Variants in CHD2 observed in about 807,000 individuals in gnomAD.
The protein encoded by CHD2 is chromodomain helicase DNA binding protein 2.
A neutral mutation model predicts 243.9 loss-of-function variants in CHD2; 28 were observed. The ratio of observed to expected loss-of-function variants is 0.11; its 90% confidence interval spans 0.09 to 0.16. The LOEUF (loss-of-function observed/expected upper bound fraction) is 0.16. Ranked by LOEUF, CHD2 falls within the 10% of genes least tolerant of loss-of-function variation. The pLI is 1.00. For missense variants in CHD2, 1,386 were observed against 2,209.8 expected, an observed-to-expected ratio of 0.63 and a Z score of 7.47; for synonymous variants, 775 against 779.0, an observed-to-expected ratio of 0.99 and a Z score of 0.09.
chr15:92,977,755 T>C (rs1262529558), intron 20 of CHD2, among the ~76,000 whole-genome samples: 4 of 152,218 alleles, frequency 2.6e-5, no homozygotes, highest in East Asian at 1.9e-4. Flanking sequence ...ATGATCTCTT[T>C]AGTGCAGTGT....
chr15:93,023,214 A>G (rs1438039145), intron 38 of CHD2, among the ~76,000 whole-genome samples: 1 of 152,170 alleles, frequency 6.6e-6, no homozygotes, highest in Non-Finnish European at 1.5e-5. Flanking sequence ...GGCAGCCACC[A>G]GTTTGCATTC....
intron 2 of CHD2, among the ~76,000 whole-genome samples, chr15:92,906,194 T>G (rs1210084624): frequency 6.6e-6 from 1 of 152,172 alleles, no homozygotes; most frequent in African/African-American, 2.4e-5. Flanking sequence ...TTTTTTTCCC[T>G]TTGATGTGGG....
chr15:92,913,413 C>A (rs1465909740), intron 2 of CHD2, among the ~76,000 whole-genome samples: 2 of 152,166 alleles, frequency 1.3e-5, no homozygotes, highest in African/African-American at 2.4e-5. Context: ...TGTCCCCTTC[C>A]ATTACCCTGG....
At position 92,918,058 on chromosome 15, in the gene CHD2, C is replaced by T. The variant is rs546363103; in HGVS notation, c.63-6263C>T. Among the ~76,000 whole-genome samples, 4 of 152,292 alleles carry T rather than the reference C, an allele frequency of 2.6e-5. No individual in the cohort carries two copies. In the South Asian group the frequency reaches 8.3e-4, roughly 32 times the overall value. On this transcript the variant is annotated intron_variant, in intron 2 of 38. Coordinates refer to ENST00000394196, the MANE Select transcript of CHD2 (RefSeq NM_001271.4). ...CAAAATAAACACTAAAGTGAAATGG[C>T]GGCTTTTGGGCGGGGCTCCCACAGG...
At chr15:93,006,919 T>C (rs2054329304) in intron 34 of CHD2, among the ~76,000 whole-genome samples, 1 of 152,262 alleles carries the variant, frequency 6.6e-6, no homozygotes, top group Non-Finnish European at 1.5e-5. Context: ...CTACAATTTA[T>C]TCTTCCACAG....
intron 31 of CHD2, among the ~76,000 whole-genome samples, chr15:92,999,649 C>T (rs1367995471): frequency 1.3e-5 from 2 of 151,970 alleles, no homozygotes; most frequent in African/African-American, 2.4e-5. Flanking sequence ...TAATACCACA[C>T]CTCATTTTTT....
rs1360748082 is a variant in CHD2 at position 93,027,942 on chromosome 15, A to G, written c.*3237A>G. 1 of 152,648 alleles carries G rather than the reference A, an allele frequency of 6.6e-6. No individual in the cohort carries two copies. Among genetic ancestry groups the G allele is most frequent in the Non-Finnish European group, 1.5e-5 (1 of 68,032 alleles). The allele number at this position is 152,648 out of a possible 1,614,324, so 9.5% of individuals were successfully genotyped here. On this transcript the variant is annotated 3_prime_UTR_variant, in exon 39 of 39. Transcript: ENST00000394196. ...GTATTAAATTTTCCTACATTGTAAA[A>G]CTGCTGTACTTTTGATTCTTGTATA...
At position 92,992,208 on chromosome 15, in the gene CHD2, G is replaced by A. The variant is rs181439021; in HGVS notation, c.3456-651G>A. The stretch of plus-strand genomic sequence containing the variant: ...TTTTGTTTGGTCCTCTCCATTTGGC[G>A]AGGAGGTAGTGATGTGTAGCATTAA... On this transcript the variant is annotated intron_variant, in intron 27 of 38. Transcript: ENST00000394196. Among the ~76,000 whole-genome samples the A allele has an allele frequency of 3.6e-3, 545 of 152,276 alleles. 2 individuals are homozygous for A. Among genetic ancestry groups the A allele is most frequent in the Non-Finnish European group, 6.2e-3 (424 of 68,012 alleles).
intron 16 of CHD2, among the ~76,000 whole-genome samples, chr15:92,959,641 A>G (rs1331169985): frequency 6.6e-6 from 1 of 152,064 alleles, no homozygotes; most frequent in African/African-American, 2.4e-5. Context: ...ACAGGCACGC[A>G]CCACCATGCT....
chr15:93,005,365 C>G (rs1018672129), intron 34 of CHD2, among the ~76,000 whole-genome samples: 1 of 152,056 alleles, frequency 6.6e-6, no homozygotes, highest in African/African-American at 2.4e-5. Flanking sequence ...GTGCATGGAC[C>G]AGGTCTTGCA....
intron 34 of CHD2, among the ~76,000 whole-genome samples, chr15:93,008,631 G>C (rs2054352208): frequency 6.6e-6 from 1 of 152,140 alleles, no homozygotes; most frequent in Admixed American, 6.5e-5. Flanking sequence ...TTGTGGGCTT[G>C]TCTCTTTTAA....
chr15:92,980,672 C>A (rs986330829), intron 22 of CHD2, 143 bp from the exon 23 acceptor site: 1 of 609,920 alleles, frequency 1.6e-6, no homozygotes. Context: ...ATAGAAAATG[C>A]GATGTTTGAG....
At chr15:92,927,112 C>A (rs2053077842) in intron 3 of CHD2, 132 bp from the exon 4 acceptor site, 1 of 658,182 alleles carries the variant, frequency 1.5e-6, no homozygotes, top group Non-Finnish European at 2.6e-6. Flanking sequence ...GCTTTATTGT[C>A]TCATAAATAG....
rs2054596403 is a variant in CHD2 at position 93,027,592 on chromosome 15, AAC to A, written c.*2891_*2892del. The A allele has an allele frequency of 1.3e-5, 2 of 152,674 alleles. No individual in the cohort carries two copies. The highest frequency in any genetic ancestry group is 6.5e-5 in the Admixed American group (1 of 15,286). The allele number at this position is 152,674 out of a possible 1,614,324, so 9.5% of individuals were successfully genotyped here. On this transcript the variant is annotated 3_prime_UTR_variant, in exon 39 of 39. Transcript: ENST00000394196. ...AAGTTGCATCAGTCCTCACGGTGCA[AAC>A]ACAGTTGATTTAGGAAGTCACACAA... is the stretch of plus-strand genomic sequence containing the variant.
intron 5 of CHD2, among the ~76,000 whole-genome samples, chr15:92,932,176 G>T (rs2053181162): frequency 6.6e-6 from 1 of 151,730 alleles, no homozygotes; most frequent in Admixed American, 6.6e-5. Context: ...ATGTACTTTT[G>T]TCTGATTCAT....
intron 36 of CHD2, among the ~76,000 whole-genome samples, chr15:93,013,304 C>T (rs952718948): frequency 5.0e-5 from 5 of 99,856 alleles, no homozygotes; most frequent in Admixed American, 1.2e-4. Flanking sequence ...ATGGATAGTC[C>T]GGAAAGGCCC....
chr15:93,013,435 C>A (rs1488854945), intron 36 of CHD2, among the ~76,000 whole-genome samples: 3 of 152,084 alleles, frequency 2.0e-5, no homozygotes, highest in Non-Finnish European at 4.4e-5. Flanking sequence ...GAATGAATAA[C>A]AAAACAGTAT....
At chr15:92,983,497 C>T (rs2141849587) in intron 24 of CHD2, among the ~76,000 whole-genome samples, 1 of 152,240 alleles carries the variant, frequency 6.6e-6, no homozygotes, top group African/African-American at 2.4e-5. Flanking sequence ...CCTCCAGAAG[C>T]TCATTTATAC....
rs763010850 is a variant in CHD2 at position 92,978,399 on chromosome 15, C to A, written c.2727+16C>A. The A allele has an allele frequency of 6.2e-7, 1 of 1,608,842 alleles. No homozygotes were observed. Among genetic ancestry groups the A allele is most frequent in the Admixed American group, 1.7e-5 (1 of 59,342 alleles). On this transcript the variant is annotated intron_variant, in intron 21 of 38. Coordinates refer to ENST00000394196, the MANE Select transcript of CHD2 (RefSeq NM_001271.4). Reference sequence around the variant, plus strand: ...AAAGAAGCAGGTCAGTATGGAGAGGCTTCTGGAAATTGCTTTAGGGTTGGG... The same window carrying A: ...AAAGAAGCAGGTCAGTATGGAGAGGATTCTGGAAATTGCTTTAGGGTTGGG...
Sources: gnomAD v4.1 joint callset for allele counts (sites outside exome capture counted in the v4.1 genomes callset) on GRCh38, gnomAD v4.1.1 for gene constraint, MANE v1.5 for transcripts, NCBI Gene and HGNC (gene_info 2026-07-23, HGNC 2026-07-21) for gene names.